The following SBF2 variants were observed in gnomAD, a reference collection of about 807,000 sequenced individuals.
SBF2 encodes the protein SET binding factor 2.
In SBF2, 112 loss-of-function variants were observed where a neutral mutation model predicts 225.2. The ratio of observed to expected loss-of-function variants is 0.50; its 90% confidence interval spans 0.43 to 0.58. SBF2 has a LOEUF of 0.58. Among genes scored for constraint, SBF2 ranks in the 20% least tolerant of loss-of-function variants. The pLI is 0.00. For missense variants in SBF2, 1,996 were observed against 2,206.2 expected (o/e 0.90, Z 1.91); for synonymous variants, 763 against 773.3 (o/e 0.99, Z 0.22).
chr11:9,853,613 T>G lies in SBF2; in HGVS notation c.2463A>C (p.Arg821=). 6.2e-7 allele frequency: 1 copy of G among 1,613,948 alleles called. No individual in the cohort carries two copies. The highest frequency in any genetic ancestry group is 8.5e-7 in the Non-Finnish European group (1 of 1,179,934). The part of the protein sequence containing the change: ...IANSVVRFIT[R]FIDKVCTESG... ...TCTCTGTACAAACTTTGTCAATAAA[T>G]CGGGTAATGAACCGCACAACAGAAT... The change falls in exon 20 of 40, where the codon CGA becomes CGC. Residue 821 remains arginine, a synonymous_variant. Coordinates refer to ENST00000256190, the MANE Select transcript of SBF2 (RefSeq NM_030962.4).
intron 2 of SBF2, among the ~76,000 whole-genome samples, chr11:10,132,568 G>GTGGGCTCGTGGTCTCGC (rs1235291681): frequency 2.0e-5 from 3 of 148,578 alleles, no homozygotes; most frequent in Admixed American, 6.8e-5. Context: ...GTTCCTCCCG[G>GTGGGCTCGTGGTCTCGC]TGGGCTCGTG....
chr11:9,798,908 C>T (rs1463741080), intron 32 of SBF2, among the ~76,000 whole-genome samples: 20 of 149,702 alleles, frequency 1.3e-4, no homozygotes, highest in Admixed American at 7.3e-4. Context: ...GCCGAGATCG[C>T]GCCACCGCAC....
At chr11:10,128,614 T>C (rs1366745863) in intron 2 of SBF2, among the ~76,000 whole-genome samples, 2 of 152,210 alleles carry the variant, frequency 1.3e-5, no homozygotes, top group African/African-American at 4.8e-5. Flanking sequence ...CATTACACAC[T>C]GGTTAAAAAC....
At chr11:9,899,338 T>TAAAA (rs35977537) in intron 16 of SBF2, among the ~76,000 whole-genome samples, 217 of 138,256 alleles carry the variant, frequency 1.6e-3, no homozygotes, top group African/African-American at 5.5e-3. Context: ...TACAAAAAAT[T>TAAAA]AAAAAAAAAA....
intron 25 of SBF2, among the ~76,000 whole-genome samples, chr11:9,841,713 C>T (rs1307546908): frequency 1.3e-5 from 2 of 152,094 alleles, no homozygotes; most frequent in African/African-American, 4.8e-5. Flanking sequence ...TTTGTATTTT[C>T]AGTAGCAACA....
chr11:10,166,523 A>AAATTAATCTTGTGTATAAT (rs1260720911), intron 2 of SBF2, among the ~76,000 whole-genome samples: 97 of 152,216 alleles, frequency 6.4e-4, no homozygotes, highest in Non-Finnish European at 1.3e-3. Flanking sequence ...TTGTTTATAT[A>AAATTAATCTTGTGTATAAT]CTTCTATATT....
At chr11:9,952,127 C>A (rs1044703807) in intron 16 of SBF2, among the ~76,000 whole-genome samples, 2 of 152,252 alleles carry the variant, frequency 1.3e-5, no homozygotes, top group African/African-American at 4.8e-5. Context: ...GGAAAGCCCA[C>A]TGGCATTCTC....
intron 33 of SBF2, among the ~76,000 whole-genome samples, chr11:9,793,604 G>A (rs528018841): frequency 6.6e-6 from 1 of 152,112 alleles, no homozygotes; most frequent in East Asian, 1.9e-4. Flanking sequence ...TGGCCAGACT[G>A]GTCTCGAATT....
upstream of SBF2, among the ~76,000 whole-genome samples, chr11:10,294,820 C>A (rs1460266329): frequency 6.6e-6 from 1 of 152,238 alleles, no homozygotes; most frequent in East Asian, 1.9e-4. Context: ...CCGAGGAACG[C>A]GGCATCCCCG....
intron 2 of SBF2, among the ~76,000 whole-genome samples, chr11:10,089,642 G>T (rs939982830): frequency 6.6e-6 from 1 of 151,696 alleles, no homozygotes; most frequent in Admixed American, 6.6e-5. Flanking sequence ...AAAAAACTTG[G>T]AAATGAAATA....
intron 16 of SBF2, chr11:9,956,627 G>A (rs562862252): frequency 1.4e-5 from 2 of 147,688 alleles, no homozygotes; most frequent in South Asian, 2.1e-4. Flanking sequence ...GCTCTGGGCA[G>A]TTACACAATT....
At chr11:10,103,711 T>G (rs1952418835) in intron 2 of SBF2, among the ~76,000 whole-genome samples, 2 of 152,186 alleles carry the variant, frequency 1.3e-5, no homozygotes, top group African/African-American at 4.8e-5. Flanking sequence ...GGGAAATAAC[T>G]TTTAGGACTC....
At chr11:9,974,820 T>A (rs1324471267) in intron 13 of SBF2, among the ~76,000 whole-genome samples, 2 of 148,866 alleles carry the variant, frequency 1.3e-5, no homozygotes, top group African/African-American at 4.9e-5. Flanking sequence ...ATTAGCCAGG[T>A]GTGGTGGTGT....
At chr11:9,782,745 C>G (rs1852098902) in intron 38 of SBF2, among the ~76,000 whole-genome samples, 1 of 152,014 alleles carries the variant, frequency 6.6e-6, no homozygotes, top group Non-Finnish European at 1.5e-5. Flanking sequence ...GTGGCAGGCG[C>G]CTGTAATCCC....
intron 1 of SBF2, among the ~76,000 whole-genome samples, chr11:10,218,707 TTTG>T (rs1415592375): frequency 6.6e-6 from 1 of 152,152 alleles, no homozygotes; most frequent in Non-Finnish European, 1.5e-5. Flanking sequence ...GGTACAGGCA[TTTG>T]GTTAATACAC....
intron 6 of SBF2, among the ~76,000 whole-genome samples, chr11:10,025,745 A>G (rs112347262): frequency 0.1 from 15,523 of 151,990 alleles, 1,024 homozygotes; most frequent in Middle Eastern, 0.24. Flanking sequence ...CACTACAGGC[A>G]CCTGCCACCA....
Position 10,303,652 on chromosome 11 carries a change from C to T in SBF2, n.386+840G>A, listed in dbSNP as rs1310711444. The stretch of plus-strand genomic sequence containing the variant: ...CGCCCACCTTCACACAGCGAATTGC[C>T]GGGAGGTGAGGACTAGAAGCCTGTT... On this transcript the variant is annotated intron_variant and non_coding_transcript_variant, in intron 1 of 5. Transcript: ENST00000685217. The surrounding 1 kb of genome is among the most constrained non-coding windows in gnomAD (Gnocchi z 5.2). 1 of 152,292 alleles carries T rather than the reference C, an allele frequency of 6.6e-6. No individual in the cohort carries two copies. Among genetic ancestry groups the T allele is most frequent in the African/African-American group, 2.4e-5 (1 of 41,434 alleles). 9.4% of individuals were successfully genotyped at this position (152,292 alleles called of 1,614,324 possible).
At chr11:10,042,226 TC>T (rs2134678441) in intron 3 of SBF2, among the ~76,000 whole-genome samples, 1 of 152,314 alleles carries the variant, frequency 6.6e-6, no homozygotes, top group Non-Finnish European at 1.5e-5. Context: ...CAGAATTGGT[TC>T]CCTGCTTGTC....
At chr11:9,836,299 T>C (rs572521001) in intron 26 of SBF2, among the ~76,000 whole-genome samples, 60 of 152,322 alleles carry the variant, frequency 3.9e-4, no homozygotes, top group African/African-American at 1.4e-3. Flanking sequence ...ACCTTTTACA[T>C]ATAGATCTAT....
Sources: gnomAD v4.1 joint callset for allele counts (sites outside exome capture counted in the v4.1 genomes callset) on GRCh38, gnomAD v4.1.1 for gene constraint, Gnocchi (gnomAD v3.1) non-coding constraint, MANE v1.5 for transcripts, NCBI Gene and HGNC (gene_info 2026-07-23, HGNC 2026-07-21) for gene names.